The following CNTN4 variants were observed in gnomAD, a reference collection of about 807,000 sequenced individuals.
The protein encoded by CNTN4 is contactin-4.
Under a neutral mutation model 122.5 loss-of-function variants are expected in CNTN4, and 77 were observed. That is an observed-to-expected ratio of 0.63 (90% CI 0.52 to 0.76). CNTN4 has a LOEUF of 0.76. Among genes scored for constraint, CNTN4 ranks in the 30% least tolerant of loss-of-function variants. The pLI is 0.00. For synonymous variants in CNTN4, 512 were observed against 447.0 expected, an observed-to-expected ratio of 1.15 and a Z score of -1.83; for missense variants, 1,256 against 1,259.1, an observed-to-expected ratio of 1.00 and a Z score of 0.04.
At chr3:2,713,295 G>A (rs535476034) in intron 4 of CNTN4, among the ~76,000 whole-genome samples, 1 of 152,306 alleles carries the variant, frequency 6.6e-6, no homozygotes, top group South Asian at 2.1e-4. Context: ...CACACATTTG[G>A]TCACAGAAGT....
At position 2,499,981 on chromosome 3, in the gene CNTN4, T is replaced by A. The variant is rs543164191; in HGVS notation, c.-88-71435T>A. 8.5e-5 allele frequency among the ~76,000 whole-genome samples: 13 copies of A among 152,280 alleles called. No individual in the cohort carries two copies. In the South Asian group the frequency reaches 2.7e-3, roughly 32 times the overall value. ...GAATTTTGTACTGAAGTATTTCATT[T>A]CCTTTGGAATGATTTTAAATGGTAT... On this transcript the variant is annotated intron_variant, in intron 3 of 24. Coordinates refer to ENST00000418658, the MANE Select transcript of CNTN4 (RefSeq NM_175607.3).
intron 2 of CNTN4, among the ~76,000 whole-genome samples, chr3:2,294,671 C>G (rs2042244240): frequency 6.6e-6 from 1 of 151,990 alleles, no homozygotes; most frequent in South Asian, 2.1e-4. Flanking sequence ...GTCTCTAATT[C>G]TTTCTTTTTT....
intron 2 of CNTN4, among the ~76,000 whole-genome samples, chr3:2,320,871 T>G (rs2043254570): frequency 6.6e-6 from 1 of 152,130 alleles, no homozygotes; most frequent in Non-Finnish European, 1.5e-5. Flanking sequence ...TTATTTGCTC[T>G]AAGGGAAACA....
At chr3:2,324,927 T>G (rs1025397906) in intron 2 of CNTN4, among the ~76,000 whole-genome samples, 3 of 152,166 alleles carry the variant, frequency 2.0e-5, no homozygotes, top group African/African-American at 7.2e-5. Flanking sequence ...AATTTCTTTT[T>G]GAAAATCTTC....
chr3:2,909,291 A>G (rs1282265630), intron 12 of CNTN4, among the ~76,000 whole-genome samples: 1 of 152,206 alleles, frequency 6.6e-6, no homozygotes, highest in African/African-American at 2.4e-5. Context: ...TGGTGTCTTT[A>G]TCAAGTTATT....
At chr3:3,043,386 C>G (rs1227953666) in intron 22 of CNTN4, among the ~76,000 whole-genome samples, 1 of 152,154 alleles carries the variant, frequency 6.6e-6, no homozygotes, top group Non-Finnish European at 1.5e-5. Context: ...AGGGCTACTT[C>G]TTTTAGCTAT....
At chr3:2,835,071 A>G (rs902968432) in intron 7 of CNTN4, among the ~76,000 whole-genome samples, 9 of 151,306 alleles carry the variant, frequency 5.9e-5, no homozygotes, top group African/African-American at 2.2e-4. Context: ...CGCCCGGCTC[A>G]TTTTTTTGTA....
chr3:2,116,009 C>T (rs985252144), intron 2 of CNTN4, among the ~76,000 whole-genome samples: 2 of 152,144 alleles, frequency 1.3e-5, no homozygotes, highest in African/African-American at 4.8e-5. Context: ...AAATCTTTCT[C>T]GAAGGTGCTT....
chr3:2,565,481 G>A (rs2079118046), intron 3 of CNTN4, among the ~76,000 whole-genome samples: 1 of 152,084 alleles, frequency 6.6e-6, no homozygotes, highest in South Asian at 2.1e-4. Context: ...CATTATCCAA[G>A]AAGAACCTAT....
intron 2 of CNTN4, among the ~76,000 whole-genome samples, chr3:2,248,820 G>A (rs544388369): frequency 6.6e-6 from 1 of 152,038 alleles, no homozygotes; most frequent in East Asian, 1.9e-4. Flanking sequence ...ATTGTAGATT[G>A]TTTATATTCG....
chr3:2,991,089 A>T (rs2125308463), intron 14 of CNTN4, among the ~76,000 whole-genome samples: 1 of 152,332 alleles, frequency 6.6e-6, no homozygotes, highest in South Asian at 2.1e-4. Flanking sequence ...ACTAGGAAAC[A>T]TGACTTGAGG....
intron 4 of CNTN4, among the ~76,000 whole-genome samples, chr3:2,691,196 C>T (rs1475587325): frequency 6.6e-6 from 1 of 152,174 alleles, no homozygotes; most frequent in East Asian, 1.9e-4. Context: ...GTCTTTGAGG[C>T]ATTCCTCAAG....
intron 4 of CNTN4, among the ~76,000 whole-genome samples, chr3:2,671,002 C>G (rs1265256866): frequency 6.6e-6 from 1 of 152,138 alleles, no homozygotes; most frequent in East Asian, 1.9e-4. Flanking sequence ...GTAACCCGAC[C>G]TTTCTCTCTG....
chr3:2,756,300 T>C (rs2090337495), intron 6 of CNTN4, among the ~76,000 whole-genome samples: 1 of 152,196 alleles, frequency 6.6e-6, no homozygotes, highest in African/African-American at 2.4e-5. Flanking sequence ...GATTAGGTCA[T>C]GAGGGATCTG....
chr3:2,466,365 C>A (rs1168180851), intron 3 of CNTN4, among the ~76,000 whole-genome samples: 1 of 152,090 alleles, frequency 6.6e-6, no homozygotes, highest in African/African-American at 2.4e-5. Context: ...AAGTGTTTGT[C>A]GCTGCTCTTA....
At chr3:2,844,467 T>C (rs571476877) in intron 7 of CNTN4, among the ~76,000 whole-genome samples, 2 of 152,266 alleles carry the variant, frequency 1.3e-5, no homozygotes, top group African/African-American at 4.8e-5. Flanking sequence ...CCTTCAGAAG[T>C]GTGTGTTCAC....
intron 3 of CNTN4, among the ~76,000 whole-genome samples, chr3:2,424,987 T>A (rs950726644): frequency 6.6e-6 from 1 of 152,198 alleles, no homozygotes; most frequent in African/African-American, 2.4e-5. Context: ...GTCAGATGGG[T>A]AGATTGCAAA....
chr3:2,208,149 CTG>C lies in CNTN4; in HGVS notation c.-145+107511_-145+107512del, dbSNP rs749885804. 1.4e-4 allele frequency among the ~76,000 whole-genome samples: 21 copies of C among 152,100 alleles called. 1 individual carries two copies. The highest frequency in any genetic ancestry group is 3.1e-4 in the Non-Finnish European group (21 of 68,014). ...ATCAGTACCATAGATAGTGATTCCTCTGATGGATTTGGGCAAAGTAAATTTCA... is the reference window on the plus strand; with the variant it reads ...ATCAGTACCATAGATAGTGATTCCTCATGGATTTGGGCAAAGTAAATTTCA... On this transcript the variant is annotated intron_variant, in intron 2 of 24. Coordinates refer to ENST00000418658, the MANE Select transcript of CNTN4 (RefSeq NM_175607.3).
At chr3:2,465,659 A>G (rs1298703521) in intron 3 of CNTN4, among the ~76,000 whole-genome samples, 1 of 152,218 alleles carries the variant, frequency 6.6e-6, no homozygotes. Context: ...CCTAGGCGAC[A>G]CAGCGAGACT....
Sources: allele counts gnomAD v4.1 joint callset (sites outside exome capture counted in the v4.1 genomes callset), GRCh38; gene constraint gnomAD v4.1.1; transcripts MANE v1.5; gene names NCBI Gene and HGNC (gene_info 2026-07-23, HGNC 2026-07-21).